The following GRM5 variants were observed in gnomAD, a reference collection of about 807,000 sequenced individuals.
GRM5 encodes the protein glutamate metabotropic receptor 5, also known as metabotropic glutamate receptor 5.
A neutral mutation model predicts 83.1 loss-of-function variants in GRM5; 19 were observed. That is an observed-to-expected ratio of 0.23 (90% CI 0.16 to 0.34). The LOEUF (loss-of-function observed/expected upper bound fraction) is 0.34. Among genes scored for constraint, GRM5 ranks in the 10% least tolerant of loss-of-function variants. GRM5 has a pLI of 1.00. For missense variants in GRM5, 1,160 were observed against 1,588.3 expected (o/e 0.73, Z 4.58); for synonymous variants, 675 against 633.6 (o/e 1.07, Z -0.98).
chr11:88,749,938 C>A (rs11511782), intron 3 of GRM5, among the ~76,000 whole-genome samples: 8,301 of 152,088 alleles, frequency 0.055, 416 homozygotes, highest in Admixed American at 0.16. Flanking sequence ...CTGAAGGAAG[C>A]ACTAAATATG....
chr11:88,617,553 T>G (rs1284914238), intron 4 of GRM5, among the ~76,000 whole-genome samples: 1 of 152,112 alleles, frequency 6.6e-6, no homozygotes, highest in African/African-American at 2.4e-5. Context: ...TCAGAGAGCA[T>G]GGAGAAAATT....
At chr11:88,531,705 A>T (rs1359644451) in intron 8 of GRM5, among the ~76,000 whole-genome samples, 4 of 152,146 alleles carry the variant, frequency 2.6e-5, no homozygotes, top group African/African-American at 7.2e-5. Flanking sequence ...AAACACAAAC[A>T]CAGCAAATAA....
chr11:89,012,912 C>G (rs2135093937), intron 2 of GRM5, among the ~76,000 whole-genome samples: 1 of 152,338 alleles, frequency 6.6e-6, no homozygotes, highest in African/African-American at 2.4e-5. Flanking sequence ...TTTCCTATTA[C>G]AGATGGTAGA....
intron 2 of GRM5, among the ~76,000 whole-genome samples, chr11:88,988,405 G>C (rs1342796580): frequency 4.5e-4 from 68 of 151,808 alleles, no homozygotes; most frequent in African/African-American, 1.5e-3. Flanking sequence ...GAAAGTGACG[G>C]GGAGAATGGA....
intron 2 of GRM5, among the ~76,000 whole-genome samples, chr11:89,024,085 C>A (rs965296928): frequency 6.7e-6 from 1 of 148,252 alleles, no homozygotes; most frequent in Non-Finnish European, 1.5e-5. Context: ...GCGTGGTGGT[C>A]CACATCTATA....
At chr11:88,903,926 G>A (rs918642753) in intron 2 of GRM5, among the ~76,000 whole-genome samples, 2 of 152,176 alleles carry the variant, frequency 1.3e-5, no homozygotes, top group African/African-American at 4.8e-5. Flanking sequence ...TTTAGGGATT[G>A]TTGGCCAAGT....
At chr11:88,913,723 A>C (rs1945543329) in intron 2 of GRM5, among the ~76,000 whole-genome samples, 1 of 151,442 alleles carries the variant, frequency 6.6e-6, no homozygotes, top group South Asian at 2.1e-4. Flanking sequence ...AATACATGAG[A>C]TTACCAGCAT....
chr11:88,856,649 T>A (rs1428172633), intron 2 of GRM5, among the ~76,000 whole-genome samples: 1 of 152,120 alleles, frequency 6.6e-6, no homozygotes, highest in Non-Finnish European at 1.5e-5. Context: ...TCAAGTATGA[T>A]GTCCTGTATA....
chr11:89,036,319 G>A (rs896793523), intron 2 of GRM5, among the ~76,000 whole-genome samples: 4 of 152,026 alleles, frequency 2.6e-5, no homozygotes, highest in African/African-American at 7.2e-5. Flanking sequence ...ATCTTCTAAA[G>A]TGAAAATTAG....
chr11:89,053,889 C>A (rs183410447), intron 1 of GRM5, among the ~76,000 whole-genome samples: 1 of 152,234 alleles, frequency 6.6e-6, no homozygotes, highest in Admixed American at 6.5e-5. Context: ...CTAAGACAGA[C>A]TTAATATTTA....
chr11:88,861,903 A>G (rs1944570368), intron 2 of GRM5, among the ~76,000 whole-genome samples: 1 of 152,192 alleles, frequency 6.6e-6, no homozygotes, highest in South Asian at 2.1e-4. Flanking sequence ...AAAGACTGTG[A>G]GACAGTTAAA....
intron 5 of GRM5, among the ~76,000 whole-genome samples, 173 bp downstream of exon 5, chr11:88,604,545 G>C (rs1938088262): frequency 6.6e-6 from 1 of 152,032 alleles, no homozygotes; most frequent in Non-Finnish European, 1.5e-5. Context: ...TTTTTTCCTG[G>C]CCACAGGAAA....
At chr11:89,033,307 T>C (rs561675603) in intron 2 of GRM5, among the ~76,000 whole-genome samples, 1 of 148,784 alleles carries the variant, frequency 6.7e-6, no homozygotes, top group Admixed American at 6.6e-5. Context: ...CCAAGATTAA[T>C]ACTCTTTCCA....
intron 5 of GRM5, among the ~76,000 whole-genome samples, chr11:88,601,680 G>T (rs1938003013): frequency 6.6e-6 from 1 of 152,054 alleles, no homozygotes; most frequent in African/African-American, 2.4e-5. Flanking sequence ...TTAGTTAGTT[G>T]TACTCAGTCT....
chr11:88,586,648 C>T (rs772037376), intron 7 of GRM5, among the ~76,000 whole-genome samples: 10 of 152,140 alleles, frequency 6.6e-5, no homozygotes, highest in African/African-American at 1.4e-4. Context: ...CTAGCAATTC[C>T]GAGTGATGTG....
At chr11:88,710,035 AT>A (rs1941248627) in intron 3 of GRM5, among the ~76,000 whole-genome samples, 1 of 152,094 alleles carries the variant, frequency 6.6e-6, no homozygotes, top group Admixed American at 6.6e-5. Context: ...CACAACTTCA[AT>A]TGTTTCAAAT....
intron 5 of GRM5, among the ~76,000 whole-genome samples, chr11:88,603,771 C>A (rs1301784339): frequency 6.6e-6 from 1 of 152,152 alleles, no homozygotes; most frequent in Non-Finnish European, 1.5e-5. Flanking sequence ...GTGTGATAAA[C>A]CAAGGTTGCT....
intron 2 of GRM5, among the ~76,000 whole-genome samples, chr11:89,033,706 C>T (rs1488002874): frequency 1.3e-5 from 2 of 151,572 alleles, no homozygotes; most frequent in Non-Finnish European, 3.0e-5. Flanking sequence ...GAAAAATTTC[C>T]AGCCAAACAT....
chr11:88,977,926 T>C (rs1278694011), intron 2 of GRM5, among the ~76,000 whole-genome samples: 1 of 152,250 alleles, frequency 6.6e-6, no homozygotes. Context: ...TGTCAACACA[T>C]ACAAACTCAT....
Sources: allele counts gnomAD v4.1 joint callset (sites outside exome capture counted in the v4.1 genomes callset), GRCh38; gene constraint gnomAD v4.1.1; transcripts MANE v1.5; gene names NCBI Gene and HGNC (gene_info 2026-07-23, HGNC 2026-07-21).